Variants in ASH1L observed in about 807,000 individuals in gnomAD.
ASH1L encodes the protein histone-lysine N-methyltransferase ASH1L.
In ASH1L, 23 loss-of-function variants were observed where a neutral mutation model predicts 269.0. That is an observed-to-expected ratio of 0.09 (90% CI 0.06 to 0.12). ASH1L has a LOEUF of 0.12. ASH1L is among the 10% of genes least tolerant of loss of function. The pLI, the probability that ASH1L is intolerant of heterozygous loss-of-function variation, is 1.00. For missense variants in ASH1L, 2,912 were observed against 3,567.8 expected (o/e 0.82, Z 4.68); for synonymous variants, 1,187 against 1,253.5 (o/e 0.95, Z 1.12).
At chr1:155,526,764 A>G (rs945883740) in intron 1 of ASH1L, among the ~76,000 whole-genome samples, 3 of 152,108 alleles carry the variant, frequency 2.0e-5, no homozygotes, top group Non-Finnish European at 4.4e-5. Context: ...CTGCCTTCCT[A>G]TCACAATATA....
At chr1:155,543,179 G>T (rs984632218) in intron 1 of ASH1L, among the ~76,000 whole-genome samples, 1 of 152,042 alleles carries the variant, frequency 6.6e-6, no homozygotes, top group Non-Finnish European at 1.5e-5. Flanking sequence ...ATATGGATTA[G>T]TGGCAGTCCT....
At chr1:155,459,106 T>G (rs1664093966) in intron 4 of ASH1L, among the ~76,000 whole-genome samples, 1 of 152,160 alleles carries the variant, frequency 6.6e-6, no homozygotes, top group East Asian at 1.9e-4. Context: ...TAAAAATAAC[T>G]ATTAATAGAG....
chr1:155,367,459 G>A (rs556662366), intron 12 of ASH1L, among the ~76,000 whole-genome samples: 19 of 152,174 alleles, frequency 1.2e-4, no homozygotes, highest in Non-Finnish European at 2.4e-4. Flanking sequence ...GCGAATAATG[G>A]TAGTTAAATT....
chr1:155,554,944 A>T (rs1671480542), intron 1 of ASH1L, among the ~76,000 whole-genome samples: 1 of 151,916 alleles, frequency 6.6e-6, no homozygotes, highest in Non-Finnish European at 1.5e-5. Flanking sequence ...GAAGTTAGAG[A>T]TCAGCCTGGC....
intron 5 of ASH1L, among the ~76,000 whole-genome samples, chr1:155,418,614 A>T (rs1449056982): frequency 6.6e-6 from 1 of 152,206 alleles, no homozygotes; most frequent in Non-Finnish European, 1.5e-5. Flanking sequence ...TAAAAAATTC[A>T]CAATGAAAAA....
intron 6 of ASH1L, among the ~76,000 whole-genome samples, chr1:155,409,176 T>G (rs1659558162): frequency 6.6e-6 from 1 of 152,004 alleles, no homozygotes; most frequent in Non-Finnish European, 1.5e-5. Flanking sequence ...AGGTTGCATG[T>G]CACCAGGCCT....
chr1:155,377,774 C>T (rs1656585103), intron 10 of ASH1L, among the ~76,000 whole-genome samples: 1 of 152,100 alleles, frequency 6.6e-6, no homozygotes, highest in South Asian at 2.1e-4. Flanking sequence ...CCTGTAATCC[C>T]AGCACTTTGG....
At chr1:155,507,643 A>T (rs1281297997) in intron 2 of ASH1L, among the ~76,000 whole-genome samples, 1 of 152,210 alleles carries the variant, frequency 6.6e-6, no homozygotes, top group Non-Finnish European at 1.5e-5. Context: ...AGGACAAGGC[A>T]GGAGGATCGA....
intron 6 of ASH1L, among the ~76,000 whole-genome samples, chr1:155,404,056 CAA>C (rs1265354613): frequency 2.4e-4 from 17 of 69,632 alleles, no homozygotes; most frequent in Non-Finnish European, 2.1e-4. Flanking sequence ...AACTCCGTCT[CAA>C]AAAAAAAAAA....
intron 25 of ASH1L, among the ~76,000 whole-genome samples, chr1:155,341,704 A>C (rs1299415347): frequency 6.6e-6 from 1 of 152,168 alleles, no homozygotes; most frequent in African/African-American, 2.4e-5. Flanking sequence ...AAACAGACGA[A>C]AGAGAAAAGA....
intron 12 of ASH1L, among the ~76,000 whole-genome samples, chr1:155,366,989 GTTTTTTTTTTTTT>G (rs896488958): frequency 8.1e-6 from 1 of 124,196 alleles, no homozygotes; most frequent in Admixed American, 8.8e-5. Context: ...AATGGGTTTG[GTTTTTTTTTTTTT>G]TTTTTTTTTG....
At chr1:155,395,584 A>T (rs1558060935) in intron 6 of ASH1L, 31 bp from the exon 7 acceptor site, 1 of 1,554,686 alleles carries the variant, frequency 6.4e-7, no homozygotes, top group Admixed American at 1.8e-5. Flanking sequence ...GAAACAGTCA[A>T]GAGGCAAAGA....
intron 8 of ASH1L, 53 bp downstream of exon 8, chr1:155,379,990 C>T: frequency 7.6e-7 from 1 of 1,315,134 alleles, no homozygotes; most frequent in South Asian, 1.2e-5. Context: ...GCATTTCCAC[C>T]CCTCCCCCTT....
Position 155,481,388 on chromosome 1 carries a change from C to T in ASH1L, c.1482G>A (p.Met494Ile), listed in dbSNP as rs765351539. 1 of 1,614,038 alleles carries T rather than the reference C, an allele frequency of 6.2e-7. No homozygotes were observed. The highest frequency in any genetic ancestry group is 1.1e-5 in the South Asian group (1 of 91,078). ...GCTGAATGCATGTTCCTTCATTAAA[C>T]ATTTCTTTCTCCAAATTAATGATTT... ...RKEIINLEKE[M>I]FNEGTCIQQD... Residue 494 changes from methionine to isoleucine, a missense_variant, in exon 3 of 28, where the codon ATG (methionine) becomes ATA (isoleucine). This residue lies in a region of ASH1L where 715 missense variants were observed against 721.0 expected (regional missense o/e 0.99). Coordinates refer to ENST00000392403, the MANE Select transcript of ASH1L (RefSeq NM_018489.3).
Position 155,478,108 on chromosome 1 carries a change from G to C in ASH1L, c.4762C>G (p.Leu1588Val), listed in dbSNP as rs1450749377. 2 of 1,614,036 alleles carry C rather than the reference G, an allele frequency of 1.2e-6. No homozygotes were observed. Among genetic ancestry groups the C allele is most frequent in the Non-Finnish European group, 8.5e-7 (1 of 1,180,040 alleles). ...TCAGAGTTGGGAGTGAATCCTCCAA[G>C]GGATAAGCTTGGAGAACTTTCTGAA... ...DCSESSPSLS[L>V]GGFTPNSEPA... The change falls in exon 3 of 28, where the codon CTT (leucine) becomes GTT (valine). Residue 1588 changes from leucine to valine, a missense_variant. Coordinates refer to ENST00000392403, the MANE Select transcript of ASH1L (RefSeq NM_018489.3). The surrounding 1 kb of genome is among the most constrained non-coding windows in gnomAD (Gnocchi z 4.6).
intron 1 of ASH1L, among the ~76,000 whole-genome samples, chr1:155,554,599 G>A (rs1300152951): frequency 6.6e-6 from 1 of 151,794 alleles, no homozygotes; most frequent in Non-Finnish European, 1.5e-5. Flanking sequence ...TAGTAACCAG[G>A]TCTCCTTATG....
At chr1:155,514,786 T>C (rs1050936658) in intron 2 of ASH1L, among the ~76,000 whole-genome samples, 2 of 151,730 alleles carry the variant, frequency 1.3e-5, no homozygotes, top group African/African-American at 4.8e-5. Flanking sequence ...TGTCAGAAGC[T>C]CACAACAACT....
At chr1:155,519,956 G>C (rs116311737) in intron 2 of ASH1L, among the ~76,000 whole-genome samples, 3,117 of 152,230 alleles carry the variant, frequency 0.02, 104 homozygotes, top group African/African-American at 0.072. Flanking sequence ...ACCACGCCCG[G>C]CAAGTACATT....
chr1:155,438,148 T>G (rs1349232947), intron 5 of ASH1L, among the ~76,000 whole-genome samples, 179 bp downstream of exon 5: 1 of 152,168 alleles, frequency 6.6e-6, no homozygotes. Context: ...GCACCTAGCC[T>G]CTCTGATTCT....
Sources: allele counts gnomAD v4.1 joint callset (sites outside exome capture counted in the v4.1 genomes callset), GRCh38; gene constraint gnomAD v4.1.1; regional missense constraint gnomAD v4.1.1; non-coding constraint Gnocchi (gnomAD v3.1); transcripts MANE v1.5; gene names NCBI Gene and HGNC (gene_info 2026-07-23, HGNC 2026-07-21).